GABRB1: variants seen among roughly 807,000 people sequenced by gnomAD.
GABRB1 encodes gamma-aminobutyric acid type A receptor subunit beta1.
In GABRB1, 17 loss-of-function variants were observed where a neutral mutation model predicts 51.6. The observed-to-expected ratio is 0.33, with a 90% CI of 0.23 to 0.49. The LOEUF is 0.49. GABRB1 is among the 20% of genes least tolerant of loss of function. The probability of loss-of-function intolerance (pLI) is 0.99; values close to 1 mark genes in which losing one functional copy is unlikely to be tolerated. For missense variants in GABRB1, 410 were observed against 600.6 expected (o/e 0.68, Z 3.32); for synonymous variants, 247 against 218.9 (o/e 1.13, Z -1.14).
At chr4:47,279,874 A>G (rs891845600) in intron 4 of GABRB1, among the ~76,000 whole-genome samples, 11 of 141,646 alleles carry the variant, frequency 7.8e-5, no homozygotes, top group African/African-American at 2.6e-4. Context: ...TCATTCAGTC[A>G]CTCCTTAGAG....
chr4:47,278,247 A>T (rs1363742451), intron 4 of GABRB1, among the ~76,000 whole-genome samples: 1 of 152,178 alleles, frequency 6.6e-6, no homozygotes, highest in Non-Finnish European at 1.5e-5. Context: ...CATAATTACT[A>T]CAAGTTATTT....
chr4:47,263,196 T>TA (rs71654864), intron 4 of GABRB1, among the ~76,000 whole-genome samples: 4 of 149,376 alleles, frequency 2.7e-5, no homozygotes, highest in Non-Finnish European at 5.9e-5. Context: ...AGTATAATAA[T>TA]AATAAATAAA....
intron 4 of GABRB1, among the ~76,000 whole-genome samples, chr4:47,186,087 C>T (rs1168247410): frequency 1.3e-5 from 2 of 151,702 alleles, no homozygotes; most frequent in Admixed American, 6.6e-5. Context: ...AACGTCTTCT[C>T]AAATACTGCA....
intron 4 of GABRB1, among the ~76,000 whole-genome samples, chr4:47,184,565 G>A (rs1205006168): frequency 6.6e-6 from 1 of 151,872 alleles, no homozygotes; most frequent in African/African-American, 2.4e-5. Flanking sequence ...GCCCTGCTCA[G>A]CTCAGTCCTT....
chr4:47,014,592 A>C (rs1458527197), intron 1 of GABRB1, among the ~76,000 whole-genome samples: 1 of 152,184 alleles, frequency 6.6e-6, no homozygotes. Flanking sequence ...TGGGTGTCCT[A>C]CAATTTAATT....
At chr4:47,377,655 T>C (rs1727436430) in intron 5 of GABRB1, among the ~76,000 whole-genome samples, 1 of 152,144 alleles carries the variant, frequency 6.6e-6, no homozygotes, top group Non-Finnish European at 1.5e-5. Flanking sequence ...ATCCTGCTGA[T>C]TGGTAGAGCC....
chr4:47,167,763 C>T lies in GABRB1; in HGVS notation c.461+6294C>T, dbSNP rs538666864. Among the ~76,000 whole-genome samples, 9 of 152,198 alleles carry T rather than the reference C, an allele frequency of 5.9e-5. 1 individual carries two copies. The South Asian group carries it at 1.0e-3, about 18-fold the overall frequency. On this transcript the variant is annotated intron_variant, in intron 4 of 8. Transcript: ENST00000295454. ...CCTCTAGCATATGTGTTTTGTCTCC[C>T]GTGCCCACTTTCTCTCTTTCTTGCT...
chr4:47,261,374 C>T (rs896823967), intron 4 of GABRB1, among the ~76,000 whole-genome samples: 25 of 152,170 alleles, frequency 1.6e-4, no homozygotes, highest in African/African-American at 6.0e-4. Flanking sequence ...GTACAAAAAT[C>T]ACAAGCATTC....
At chr4:47,134,221 G>A (rs1187182897) in intron 3 of GABRB1, among the ~76,000 whole-genome samples, 5 of 152,090 alleles carry the variant, frequency 3.3e-5, no homozygotes, top group African/African-American at 1.2e-4. Flanking sequence ...TCATTACAAA[G>A]CTGAAAATAA....
At chr4:47,083,119 A>C (rs1214185184) in intron 3 of GABRB1, among the ~76,000 whole-genome samples, 2 of 152,176 alleles carry the variant, frequency 1.3e-5, no homozygotes, top group African/African-American at 4.8e-5. Context: ...TCTACTTCTA[A>C]CAAGCTTTTT....
intron 3 of GABRB1, among the ~76,000 whole-genome samples, chr4:47,102,188 C>A (rs1226531048): frequency 1.3e-5 from 2 of 151,948 alleles, no homozygotes; most frequent in African/African-American, 4.8e-5. Flanking sequence ...ACAGAGTTGA[C>A]AGATTAGGAA....
At chr4:47,195,396 ATAG>A in intron 4 of GABRB1, among the ~76,000 whole-genome samples, 1 of 25,592 alleles carries the variant, frequency 3.9e-5, no homozygotes, top group East Asian at 7.0e-4. Context: ...TAGATAGATG[ATAG>A]ATAGATAGAT....
intron 4 of GABRB1, among the ~76,000 whole-genome samples, chr4:47,230,209 T>C (rs1469107297): frequency 1.3e-5 from 2 of 152,154 alleles, no homozygotes; most frequent in African/African-American, 4.8e-5. Context: ...TAAGGAATTA[T>C]ATGAGCATGT....
chr4:47,228,194 T>A (rs1407840866), intron 4 of GABRB1, among the ~76,000 whole-genome samples: 2 of 152,138 alleles, frequency 1.3e-5, no homozygotes, highest in African/African-American at 4.8e-5. Flanking sequence ...CAATTCTAAG[T>A]CCAGAATCTC....
At chr4:47,132,790 G>A (rs1716483588) in intron 3 of GABRB1, among the ~76,000 whole-genome samples, 2 of 152,210 alleles carry the variant, frequency 1.3e-5, no homozygotes, top group African/African-American at 4.8e-5. Context: ...CAGTGTGCCT[G>A]CCAGACCCAG....
intron 4 of GABRB1, among the ~76,000 whole-genome samples, chr4:47,277,653 A>C (rs1723138754): frequency 6.6e-6 from 1 of 152,116 alleles, no homozygotes; most frequent in African/African-American, 2.4e-5. Flanking sequence ...CCCACAAAAA[A>C]AATTTTTTAA....
chr4:47,240,166 AT>A (rs1721471242), intron 4 of GABRB1, among the ~76,000 whole-genome samples: 1 of 152,158 alleles, frequency 6.6e-6, no homozygotes, highest in African/African-American at 2.4e-5. Context: ...GACTTTTCCC[AT>A]TTTTGCAGAC....
intron 3 of GABRB1, among the ~76,000 whole-genome samples, chr4:47,107,668 G>A (rs528374162): frequency 2.2e-4 from 34 of 152,170 alleles, no homozygotes; most frequent in Admixed American, 3.9e-4. Flanking sequence ...ATGAACGTAT[G>A]TTAAGCCCTT....
At chr4:47,150,786 G>A (rs1717409534) in intron 3 of GABRB1, among the ~76,000 whole-genome samples, 1 of 151,656 alleles carries the variant, frequency 6.6e-6, no homozygotes, top group African/African-American at 2.4e-5. Context: ...ATAAATAAAT[G>A]ACTAAACAAA....
Sources: allele counts gnomAD v4.1 joint callset (sites outside exome capture counted in the v4.1 genomes callset), GRCh38; gene constraint gnomAD v4.1.1; transcripts MANE v1.5; gene names NCBI Gene and HGNC (gene_info 2026-07-23, HGNC 2026-07-21).